The following LPAR1 variants were observed in gnomAD, a reference collection of about 807,000 sequenced individuals.
The protein encoded by LPAR1 is lysophosphatidic acid receptor 1.
In LPAR1, 5 loss-of-function variants were observed where a neutral mutation model predicts 23.8. The ratio of observed to expected loss-of-function variants is 0.21; its 90% CI spans 0.11 to 0.44. The LOEUF is 0.44. LPAR1 is among the 20% of genes least tolerant of loss of function. The probability of loss-of-function intolerance (pLI) is 0.99; values close to 1 mark genes in which losing one functional copy is unlikely to be tolerated. For synonymous variants in LPAR1, 160 were observed against 164.7 expected (o/e 0.97, Z 0.22); for missense variants, 311 against 482.8 (o/e 0.64, Z 3.33).
At chr9:110,994,810 G>A (rs1008849329) in intron 2 of LPAR1, among the ~76,000 whole-genome samples, 9 of 152,134 alleles carry the variant, frequency 5.9e-5, no homozygotes, top group Admixed American at 5.2e-4. Context: ...GACTACCCCA[G>A]ACACATATGT....
intron 4 of LPAR1, among the ~76,000 whole-genome samples, chr9:110,943,469 T>C (rs555333213): frequency 1.3e-5 from 2 of 152,306 alleles, no homozygotes; most frequent in East Asian, 1.9e-4. Context: ...CTAAAGTCTC[T>C]TTCCTTATCT....
chr9:111,001,480 G>A (rs536695564), intron 2 of LPAR1, among the ~76,000 whole-genome samples: 1 of 152,184 alleles, frequency 6.6e-6, no homozygotes, highest in African/African-American at 2.4e-5. Flanking sequence ...TGATACACAT[G>A]ACATTACAGT....
At chr9:110,886,101 G>T (rs979722455) in intron 5 of LPAR1, among the ~76,000 whole-genome samples, 2 of 151,834 alleles carry the variant, frequency 1.3e-5, no homozygotes, top group Non-Finnish European at 2.9e-5. Context: ...CGGAGTCTAC[G>T]GCAGGAGAAT....
chr9:110,981,431 G>T (rs1255179678), intron 2 of LPAR1, among the ~76,000 whole-genome samples: 2 of 152,018 alleles, frequency 1.3e-5, no homozygotes, highest in Non-Finnish European at 2.9e-5. Context: ...GAATTGAATT[G>T]ATTAATGTAC....
At chr9:110,875,779 T>G in intron 5 of LPAR1, 57 bp from the exon 6 acceptor site, 1 of 965,892 alleles carries the variant, frequency 1.0e-6, no homozygotes, top group Non-Finnish European at 1.5e-6. Flanking sequence ...GAAAAAATAT[T>G]ATAAAACATG....
rs748922652 is a variant in LPAR1, at chr9:110,941,866, C to G, written c.348G>C (p.Leu116=). Residue 116 remains leucine, a synonymous_variant, in exon 5 of 6, where the codon CTG becomes CTC. Coordinates refer to ENST00000683809, the MANE Select transcript of LPAR1 (RefSeq NM_001351411.2). The surrounding 1 kb of genome is among the most constrained non-coding windows in gnomAD (Gnocchi z 6.1). ...MFNTGPNTRR[L]TVSTWLLRQG... ...GACGAAGGAGCCATGTGCTAACAGT[C>G]AGTCTCCGAGTATTGGGTCCTGTGT... 1.2e-6 allele frequency: 2 copies of G among 1,614,198 alleles called. No homozygotes were observed. The highest frequency in any genetic ancestry group is 1.7e-6 in the Non-Finnish European group (2 of 1,180,030).
intron 4 of LPAR1, among the ~76,000 whole-genome samples, chr9:110,953,445 C>A (rs2136803859): frequency 6.6e-6 from 1 of 152,290 alleles, no homozygotes; most frequent in East Asian, 1.9e-4. Flanking sequence ...GGACAGATCA[C>A]CTGAGGTCGG....
At chr9:111,011,153 G>C (rs1217637972) in intron 2 of LPAR1, among the ~76,000 whole-genome samples, 2 of 151,850 alleles carry the variant, frequency 1.3e-5, no homozygotes, top group Non-Finnish European at 2.9e-5. Context: ...GTGTAAGTCT[G>C]TGCTTGGTTT....
chr9:110,958,858 TA>T (rs199964171), intron 4 of LPAR1, among the ~76,000 whole-genome samples: 1,899 of 128,556 alleles, frequency 0.015, 27 homozygotes, highest in African/African-American at 0.037. Flanking sequence ...AGTCAAGAGT[TA>T]AAAAAAAAAA....
At chr9:110,919,766 A>G (rs2093483696) in intron 5 of LPAR1, among the ~76,000 whole-genome samples, 1 of 152,170 alleles carries the variant, frequency 6.6e-6, no homozygotes. Context: ...GGGAGTTTCA[A>G]TGCTTGCTGG....
chr9:110,877,872 T>G (rs2079535464), intron 5 of LPAR1, among the ~76,000 whole-genome samples: 2 of 152,224 alleles, frequency 1.3e-5, no homozygotes, highest in Admixed American at 1.3e-4. Flanking sequence ...GCTGCTTGAC[T>G]TTGCTCAAAA....
chr9:110,994,217 A>G (rs2096951457), intron 2 of LPAR1, among the ~76,000 whole-genome samples: 1 of 152,214 alleles, frequency 6.6e-6, no homozygotes, highest in Admixed American at 6.5e-5. Flanking sequence ...GAAACATGTA[A>G]CAAACCCACT....
intron 5 of LPAR1, among the ~76,000 whole-genome samples, chr9:110,917,877 T>C (rs1232084574): frequency 1.3e-5 from 2 of 152,086 alleles, no homozygotes; most frequent in African/African-American, 2.4e-5. Context: ...CTTTGTCCTC[T>C]GAACTGAATG....
intron 5 of LPAR1, among the ~76,000 whole-genome samples, chr9:110,919,469 G>A (rs894507559): frequency 2.0e-5 from 3 of 152,136 alleles, no homozygotes; most frequent in African/African-American, 4.8e-5. Flanking sequence ...AACCTACAGA[G>A]ACTGAGAGAT....
intron 5 of LPAR1, among the ~76,000 whole-genome samples, chr9:110,927,799 T>A (rs2094147909): frequency 6.6e-6 from 1 of 152,154 alleles, no homozygotes; most frequent in Non-Finnish European, 1.5e-5. Flanking sequence ...AAGTTAAGCC[T>A]TCATACACAA....
At chr9:111,031,832 C>T (rs577888481) in intron 2 of LPAR1, among the ~76,000 whole-genome samples, 5 of 152,106 alleles carry the variant, frequency 3.3e-5, no homozygotes, top group Non-Finnish European at 5.9e-5. Flanking sequence ...AGGAGATTAC[C>T]GGGCTCTGTG....
intron 5 of LPAR1, among the ~76,000 whole-genome samples, chr9:110,921,736 T>A (rs1026206275): frequency 2.0e-5 from 3 of 152,128 alleles, no homozygotes; most frequent in Admixed American, 6.5e-5. Context: ...TAAAGCAGAG[T>A]GTTCCTAGTG....
intron 2 of LPAR1, among the ~76,000 whole-genome samples, chr9:110,974,406 T>G (rs2096503978): frequency 6.6e-6 from 1 of 152,204 alleles, no homozygotes; most frequent in South Asian, 2.1e-4. Context: ...TGCTACCCTA[T>G]ATTAGCTCAG....
intron 5 of LPAR1, among the ~76,000 whole-genome samples, chr9:110,919,036 T>C (rs1197973917): frequency 2.0e-5 from 3 of 152,194 alleles, no homozygotes; most frequent in East Asian, 1.9e-4. Context: ...AATACAGTTA[T>C]AGGATGCCAC....
Sources: gnomAD v4.1 joint callset for allele counts (sites outside exome capture counted in the v4.1 genomes callset) on GRCh38, gnomAD v4.1.1 for gene constraint, Gnocchi (gnomAD v3.1) non-coding constraint, MANE v1.5 for transcripts, NCBI Gene and HGNC (gene_info 2026-07-23, HGNC 2026-07-21) for gene names.